PALLD: variants seen among roughly 807,000 people sequenced by gnomAD.
The protein encoded by PALLD is palladin, cytoskeletal associated protein.
PALLD carries 61 observed loss-of-function variants against 123.5 expected under a neutral mutation model. That is an observed-to-expected ratio of 0.49 (90% CI 0.40 to 0.61). The LOEUF is 0.61. Ranked by LOEUF, PALLD falls within the 20% of genes least tolerant of loss-of-function variation. PALLD has a pLI of 0.00. For synonymous variants in PALLD, 465 were observed against 496.4 expected (o/e 0.94, Z 0.84); for missense variants, 1,273 against 1,377.0 (o/e 0.92, Z 1.20).
chr4:168,914,984 T>C (rs1417067170), intron 16 of PALLD, among the ~76,000 whole-genome samples: 3 of 152,222 alleles, frequency 2.0e-5, no homozygotes, highest in Non-Finnish European at 4.4e-5. Flanking sequence ...AAACATAGCA[T>C]ATACAGGATT....
rs532961259 is a variant in PALLD at position 168,878,110 on chromosome 4, C to T, written c.1965-12812C>T. 2.7e-6 allele frequency: 4 copies of T among 1,457,390 alleles called. No individual in the cohort carries two copies. Among genetic ancestry groups the T allele is most frequent in the Non-Finnish European group, 3.6e-6 (4 of 1,112,888 alleles). 90.3% of individuals were successfully genotyped at this position (1,457,390 alleles called of 1,614,324 possible). ...CCGTGCCGCCCTTCGCGCAGCCCTT[C>T]GGCGCTGAGCCCGAGGCCCCGTGGG... On this transcript the variant is annotated intron_variant, in intron 10 of 21. Coordinates refer to ENST00000505667, the MANE Select transcript of PALLD (RefSeq NM_001166108.2).
chr4:168,614,859 G>T (rs1774071331), intron 2 of PALLD, among the ~76,000 whole-genome samples: 1 of 152,146 alleles, frequency 6.6e-6, no homozygotes, highest in African/African-American at 2.4e-5. Context: ...GTGTGGGATG[G>T]TAACATTTCA....
intron 2 of PALLD, among the ~76,000 whole-genome samples, chr4:168,542,093 A>G (rs1028483834): frequency 1.3e-5 from 2 of 152,232 alleles, no homozygotes; most frequent in African/African-American, 2.4e-5. Context: ...ACACACATAC[A>G]CACACCTTTA....
intron 10 of PALLD, among the ~76,000 whole-genome samples, chr4:168,857,784 T>C (rs1748815300): frequency 6.6e-6 from 1 of 152,230 alleles, no homozygotes; most frequent in Non-Finnish European, 1.5e-5. Context: ...GATACAAAAA[T>C]CTTTGGTCAG....
intron 2 of PALLD, among the ~76,000 whole-genome samples, chr4:168,667,562 G>A (rs1038099756): frequency 6.6e-6 from 1 of 152,178 alleles, no homozygotes; most frequent in East Asian, 1.9e-4. Context: ...CGAAGGACCT[G>A]ATTGTTTGGG....
At chr4:168,748,940 G>A (rs917430137) in intron 10 of PALLD, among the ~76,000 whole-genome samples, 2 of 152,118 alleles carry the variant, frequency 1.3e-5, no homozygotes, top group Non-Finnish European at 2.9e-5. Context: ...CATAATCATG[G>A]GAGTGACCTT....
chr4:168,530,589 G>A (rs1764512769), intron 2 of PALLD: 1 of 152,198 alleles, frequency 6.6e-6, no homozygotes. Flanking sequence ...TGCACATGCT[G>A]CTTCTGTGAT....
chr4:168,785,846 G>A (rs113026070), intron 10 of PALLD, among the ~76,000 whole-genome samples: 2 of 80,898 alleles, frequency 2.5e-5, no homozygotes, highest in Admixed American at 2.6e-4. Context: ...AAACTGTAGA[G>A]ATATATATAT....
At chr4:168,643,719 G>C (rs538470815) in intron 2 of PALLD, among the ~76,000 whole-genome samples, 1 of 152,114 alleles carries the variant, frequency 6.6e-6, no homozygotes, top group Non-Finnish European at 1.5e-5. Context: ...GGAAATATAA[G>C]CACAGTTCTA....
intron 10 of PALLD, among the ~76,000 whole-genome samples, chr4:168,762,364 T>G (rs1238058400): frequency 6.6e-6 from 1 of 152,140 alleles, no homozygotes; most frequent in Non-Finnish European, 1.5e-5. Flanking sequence ...TCCCAGCTCC[T>G]GGGGAGGCTG....
intron 10 of PALLD, among the ~76,000 whole-genome samples, chr4:168,793,010 A>G (rs1737755654): frequency 6.6e-6 from 1 of 151,312 alleles, no homozygotes; most frequent in Non-Finnish European, 1.5e-5. Context: ...CAAATGATCC[A>G]CACACCTCGG....
At chr4:168,533,630 A>T (rs184832793) in intron 2 of PALLD, among the ~76,000 whole-genome samples, 3 of 152,270 alleles carry the variant, frequency 2.0e-5, no homozygotes, top group Admixed American at 6.5e-5. Flanking sequence ...GCATTCATAT[A>T]AAGGGTCTGG....
chr4:168,639,313 T>C (rs1318368410), intron 2 of PALLD, among the ~76,000 whole-genome samples: 2 of 152,216 alleles, frequency 1.3e-5, no homozygotes, highest in Non-Finnish European at 2.9e-5. Context: ...AGGCTAGAGC[T>C]GGAGCTGATT....
chr4:168,764,409 TA>T (rs1167115069), intron 10 of PALLD, among the ~76,000 whole-genome samples: 3 of 152,138 alleles, frequency 2.0e-5, no homozygotes, highest in African/African-American at 7.2e-5. Context: ...TAGGAACATT[TA>T]AAAAAATTTT....
At chr4:168,543,721 C>T (rs553788141) in intron 2 of PALLD, among the ~76,000 whole-genome samples, 44 of 152,292 alleles carry the variant, frequency 2.9e-4, no homozygotes, top group African/African-American at 8.9e-4. Flanking sequence ...AGATACCCCA[C>T]CTTATAGACA....
chr4:168,759,252 A>G (rs1179242876), intron 10 of PALLD, among the ~76,000 whole-genome samples: 2 of 124,068 alleles, frequency 1.6e-5, no homozygotes, highest in East Asian at 2.4e-4. Context: ...TATAGAAACA[A>G]TATATGCTCC....
intron 10 of PALLD, chr4:168,712,383 G>A (rs1784915593): frequency 1.3e-5 from 3 of 227,356 alleles, no homozygotes; most frequent in Admixed American, 5.1e-5. Flanking sequence ...AATTCAGGGT[G>A]CAGATCCTGG....
intron 10 of PALLD, among the ~76,000 whole-genome samples, chr4:168,855,277 G>A (rs1748440690): frequency 1.3e-5 from 2 of 152,034 alleles, no homozygotes; most frequent in Non-Finnish European, 2.9e-5. Context: ...TTTTAGTAGA[G>A]ACAAGGTTTC....
chr4:168,531,404 G>A (rs1336947424), intron 2 of PALLD, among the ~76,000 whole-genome samples: 1 of 152,170 alleles, frequency 6.6e-6, no homozygotes, highest in East Asian at 1.9e-4. Flanking sequence ...CCCAGGTAAA[G>A]ATGGAATTCA....
Sources: gnomAD v4.1 joint callset for allele counts (sites outside exome capture counted in the v4.1 genomes callset) on GRCh38, gnomAD v4.1.1 for gene constraint, MANE v1.5 for transcripts, NCBI Gene and HGNC (gene_info 2026-07-23, HGNC 2026-07-21) for gene names.